The following LRRC8B variants were observed in gnomAD, a reference collection of about 807,000 sequenced individuals.
LRRC8B encodes the protein leucine rich repeat containing 8 VRAC subunit B.
Under a neutral mutation model 58.8 loss-of-function variants are expected in LRRC8B, and 23 were observed. That is an observed-to-expected ratio of 0.39 (90% CI 0.28 to 0.55). The LOEUF is 0.55. Among genes scored for constraint, LRRC8B ranks in the 20% least tolerant of loss-of-function variants. The pLI, the probability that LRRC8B is intolerant of heterozygous loss-of-function variation, is 0.62. For synonymous variants in LRRC8B, 359 were observed against 374.1 expected (o/e 0.96, Z 0.47); for missense variants, 694 against 936.0 (o/e 0.74, Z 3.37).
At chr1:89,528,808 A>G (rs546395831) in intron 1 of LRRC8B, among the ~76,000 whole-genome samples, 6 of 152,222 alleles carry the variant, frequency 3.9e-5, no homozygotes, top group Non-Finnish European at 5.9e-5. Flanking sequence ...TCCAAGTAGC[A>G]GAAAGGAGGA....
At chr1:89,588,484 G>A (rs1476788522) in intron 5 of LRRC8B, among the ~76,000 whole-genome samples, 3 of 152,142 alleles carry the variant, frequency 2.0e-5, no homozygotes, top group Admixed American at 6.5e-5. Context: ...AAAAAATAGA[G>A]GTCATCCACA....
intron 5 of LRRC8B, 75 bp from the exon 6 acceptor site, chr1:89,592,696 T>TTTGAAAAAAG: frequency 7.8e-7 from 1 of 1,281,838 alleles, no homozygotes; most frequent in Non-Finnish European, 1.1e-6. Flanking sequence ...TTTTTTTTTT[T>TTTGAAAAAAG]GGAAAAAAGG....
chr1:89,588,850 T>C (rs957984088), intron 5 of LRRC8B, among the ~76,000 whole-genome samples: 5 of 152,226 alleles, frequency 3.3e-5, no homozygotes, highest in African/African-American at 1.2e-4. Flanking sequence ...GGGTCAAGTC[T>C]ACCCACTGCC....
chr1:89,580,269 A>G (rs1654123806), intron 4 of LRRC8B, among the ~76,000 whole-genome samples: 1 of 152,118 alleles, frequency 6.6e-6, no homozygotes, highest in South Asian at 2.1e-4. Context: ...TTTTTTGCCC[A>G]TTTTATCTTT....
chr1:89,525,516 A>G (rs540086769), intron 1 of LRRC8B, among the ~76,000 whole-genome samples: 1 of 152,242 alleles, frequency 6.6e-6, no homozygotes, highest in African/African-American at 2.4e-5. Flanking sequence ...CTTGGGAACT[A>G]TTTTATGCTG....
chr1:89,555,399 G>A (rs1301378409), intron 1 of LRRC8B, among the ~76,000 whole-genome samples: 11 of 152,174 alleles, frequency 7.2e-5, no homozygotes, highest in Admixed American at 7.2e-4. Context: ...AAGGTAAGAA[G>A]GTATGAAGAT....
intron 1 of LRRC8B, among the ~76,000 whole-genome samples, chr1:89,526,376 A>G (rs182584466): frequency 1.0e-3 from 155 of 152,180 alleles, no homozygotes; most frequent in African/African-American, 3.6e-3. Flanking sequence ...CACCACGCCC[A>G]GCTAATTTTT....
chr1:89,553,155 T>C (rs748909355), intron 1 of LRRC8B, among the ~76,000 whole-genome samples: 1 of 152,342 alleles, frequency 6.6e-6, no homozygotes, highest in South Asian at 2.1e-4. Flanking sequence ...ATTTCTGACA[T>C]GTAAATTGGT....
chr1:89,584,447 C>T lies in LRRC8B; in HGVS notation c.1797C>T (p.Arg599=). Residue 599 remains arginine (R), a synonymous_variant, in exon 5 of 6, where the codon CGC becomes CGT. Transcript: ENST00000330947. ...AACTGATCAGCTGTGACCTGGAACG[C>T]ATCCCACATTCCATTTTCAGCCTGA... ...SLELISCDLE[R]IPHSIFSLNN... is the part of the protein sequence containing the mutation. 1 of 1,614,054 alleles carries T rather than the reference C, an allele frequency of 6.2e-7. No homozygotes were observed. The highest frequency in any genetic ancestry group is 8.5e-7 in the Non-Finnish European group (1 of 1,179,936).
intron 3 of LRRC8B, among the ~76,000 whole-genome samples, chr1:89,575,114 G>A (rs547684421): frequency 3.2e-4 from 48 of 152,240 alleles, no homozygotes; most frequent in African/African-American, 1.2e-3. Flanking sequence ...CCATGTAAGA[G>A]GAATGTAAAT....
In LRRC8B at chr1:89,582,941, C is replaced by A. The variant is rs771971852; in HGVS notation, c.291C>A (p.Leu97=). 3.7e-6 allele frequency: 6 copies of A among 1,614,110 alleles called. No individual in the cohort carries two copies. The African/African-American group carries it at 8.0e-5, about 22-fold the overall frequency. ...TCCCCCTCCGAATTCAGAATGACCT[C>A]CACCGACAGCAGTACTCCTATATTG... ...LPLPLRIQND[L]HRQQYSYIDA... is the part of the protein sequence containing the mutation. Residue 97 remains leucine (L), a synonymous_variant, in exon 5 of 6, where the codon CTC becomes CTA. Coordinates refer to ENST00000330947, the MANE Select transcript of LRRC8B (RefSeq NM_001369817.2).
At chr1:89,545,346 G>A (rs1385196475) in intron 1 of LRRC8B, among the ~76,000 whole-genome samples, 3 of 152,144 alleles carry the variant, frequency 2.0e-5, no homozygotes, top group East Asian at 1.9e-4. Context: ...ATTTGATTCC[G>A]ACAATTTAGA....
chr1:89,527,858 A>G (rs933393317), intron 1 of LRRC8B, among the ~76,000 whole-genome samples: 21 of 152,242 alleles, frequency 1.4e-4, no homozygotes, highest in African/African-American at 4.8e-4. Context: ...ACAAAGGGTA[A>G]CAATAAACTC....
chr1:89,569,915 A>ATGTGTTCTCATCATTTAGCCC (rs1418859750), intron 3 of LRRC8B, among the ~76,000 whole-genome samples: 2 of 152,038 alleles, frequency 1.3e-5, no homozygotes, highest in Non-Finnish European at 2.9e-5. Context: ...CTATGTGTCC[A>ATGTGTTCTCATCATTTAGCCC]TGTGTTCTCA....
Position 89,595,902 on chromosome 1 carries a change from A to T in LRRC8B, c.*2859A>T, listed in dbSNP as rs994730685. The T allele has an allele frequency of 6.6e-6, 1 of 152,190 alleles. No individual in the cohort carries two copies. Among genetic ancestry groups the T allele is most frequent in the East Asian group, 1.9e-4 (1 of 5,204 alleles). 9.4% of individuals were successfully genotyped at this position (152,190 alleles called of 1,614,324 possible). A position where few individuals can be genotyped will look rare whatever the true frequency, so the allele number is the denominator to read the frequency against. On this transcript the variant is annotated 3_prime_UTR_variant, in exon 6 of 6. Coordinates refer to ENST00000330947, the MANE Select transcript of LRRC8B (RefSeq NM_001369817.2). ...CGTTGGCATTTGATTTCAAGAATAC[A>T]TATGCATTTTCCAAAAAATAAATGT...
intron 1 of LRRC8B, among the ~76,000 whole-genome samples, chr1:89,535,680 A>T (rs1227443223): frequency 6.6e-6 from 1 of 152,162 alleles, no homozygotes; most frequent in Non-Finnish European, 1.5e-5. Context: ...TTTGATACCC[A>T]TTATTAGACT....
chr1:89,563,616 G>A (rs1652840902), intron 1 of LRRC8B, among the ~76,000 whole-genome samples: 1 of 152,072 alleles, frequency 6.6e-6, no homozygotes, highest in Admixed American at 6.6e-5. Flanking sequence ...ATGTAATCTG[G>A]TATTTGTTTA....
In LRRC8B at chr1:89,568,322, G is replaced by T. The variant is rs1653188588; in HGVS notation, c.-180+15G>T. On this transcript the variant is annotated intron_variant, in intron 2 of 5. Transcript: ENST00000330947. ...TTTCTTTTTAAGTAAGTTATCTTTT[G>T]TATGTTTCATAAAATTATTACATAT... 6.6e-6 allele frequency: 1 copy of T among 152,028 alleles called. No homozygotes were observed. The highest frequency in any genetic ancestry group is 2.4e-5 in the African/African-American group (1 of 41,392). The allele number at this position is 152,028 out of a possible 1,614,324, so 9.4% of individuals were successfully genotyped here. A position where few individuals can be genotyped will look rare whatever the true frequency, so the allele number is the denominator to read the frequency against.
At chr1:89,559,322 G>T (rs1009691986) in intron 1 of LRRC8B, among the ~76,000 whole-genome samples, 1 of 151,952 alleles carries the variant, frequency 6.6e-6, no homozygotes. Flanking sequence ...ACCTTCCATG[G>T]TCCTAATACC....
Sources: allele counts gnomAD v4.1 joint callset (sites outside exome capture counted in the v4.1 genomes callset), GRCh38; gene constraint gnomAD v4.1.1; transcripts MANE v1.5; gene names NCBI Gene and HGNC (gene_info 2026-07-23, HGNC 2026-07-21).